Variants in ACTR1A observed in about 807,000 individuals in gnomAD.
ACTR1A encodes the protein alpha-centractin.
Under a neutral mutation model 50.7 loss-of-function variants are expected in ACTR1A, and 10 were observed. The observed-to-expected ratio is 0.20, with a 90% CI of 0.12 to 0.33. ACTR1A has a LOEUF of 0.33. Among genes scored for constraint, ACTR1A ranks in the 10% least tolerant of loss-of-function variants. The pLI is 1.00. For synonymous variants in ACTR1A, 177 were observed against 184.2 expected (o/e 0.96, Z 0.32); for missense variants, 253 against 491.7 (o/e 0.51, Z 4.59).
At chr10:102,501,855 T>G (rs184679388) in intron 1 of ACTR1A, among the ~76,000 whole-genome samples, 25 of 152,374 alleles carry the variant, frequency 1.6e-4, no homozygotes, top group Non-Finnish European at 1.5e-5. Flanking sequence ...CCGTAAGAAC[T>G]AGGCGTTCCA....
rs2062130880 is a variant in ACTR1A, at chr10:102,480,118, A to G, written c.*745T>C. On this transcript the variant is annotated 3_prime_UTR_variant, in exon 11 of 11. Coordinates refer to ENST00000369905, the MANE Select transcript of ACTR1A (RefSeq NM_005736.4). Reference sequence around the variant, plus strand: ...ACGGTTTGAAGATGGCATTGCAACAAGAACAGATGGAAAGCGAGGTCCTGG... The same window carrying G: ...ACGGTTTGAAGATGGCATTGCAACAGGAACAGATGGAAAGCGAGGTCCTGG... 6.3e-6 allele frequency: 1 copy of G among 159,560 alleles called. No individual in the cohort carries two copies. Among genetic ancestry groups the G allele is most frequent in the South Asian group, 1.7e-4 (1 of 5,776 alleles). The allele number at this position is 159,560 out of a possible 1,614,324, so 9.9% of individuals were successfully genotyped here. A position where few individuals can be genotyped will look rare whatever the true frequency, so the allele number is the denominator to read the frequency against.
chr10:102,492,899 G>C (rs540635908), intron 1 of ACTR1A, among the ~76,000 whole-genome samples: 27 of 151,238 alleles, frequency 1.8e-4, no homozygotes, highest in Admixed American at 4.6e-4. Flanking sequence ...TACTCAGGGA[G>C]GCTGAGGCAG....
chr10:102,482,088 C>A lies in ACTR1A; in HGVS notation c.838G>T (p.Val280Leu). ...ATGTCTGACTTCTGAATGGCGAACA[C>A]CAGGACCTCGTGGATGCCTTCACTC... ...EESEGIHEVL[V>L]FAIQKSDMDL... Residue 280 changes from valine to leucine, a missense_variant, in exon 8 of 11, where the codon GTG becomes TTG. Transcript: ENST00000369905. The surrounding 1 kb of genome is among the most constrained non-coding windows in gnomAD (Gnocchi z 5.6). The A allele has an allele frequency of 6.2e-7, 1 of 1,614,184 alleles. No individual in the cohort carries two copies.
At chr10:102,496,733 A>G (rs1422839097) in intron 1 of ACTR1A, among the ~76,000 whole-genome samples, 2 of 152,240 alleles carry the variant, frequency 1.3e-5, no homozygotes, top group South Asian at 4.1e-4. Context: ...GTGAATCAGC[A>G]TTAGTAGGAT....
At chr10:102,502,472 G>T in intron 1 of ACTR1A, 128 bp downstream of exon 1, 2 of 978,240 alleles carry the variant, frequency 2.0e-6, no homozygotes, top group African/African-American at 1.6e-5. Flanking sequence ...AGGAGGCGGC[G>T]GTGGCTGAAC....
At chr10:102,490,456 G>C (rs189476760) in intron 2 of ACTR1A, 93 bp downstream of exon 2, 1 of 983,504 alleles carries the variant, frequency 1.0e-6, no homozygotes, top group East Asian at 2.5e-5. Context: ...GTTTTCCTTT[G>C]TTGACTCCAA....
chr10:102,481,599 C>A (rs2062142659), intron 9 of ACTR1A, among the ~76,000 whole-genome samples: 2 of 152,144 alleles, frequency 1.3e-5, no homozygotes. Context: ...TACCTAGTAC[C>A]CTGCCTCATC....
chr10:102,490,419 C>A, intron 2 of ACTR1A, 130 bp downstream of exon 2: 1 of 572,320 alleles, frequency 1.7e-6, no homozygotes, highest in South Asian at 3.1e-5. Context: ...TTATCTGTGC[C>A]TCTCAAATTG....
rs1218030119 is a variant in ACTR1A, at chr10:102,481,917, G to C, written c.926-19C>G. ...CCAAAACCTGAATGGGCAAAGAGGA[G>C]AACTTCAAGTCAATTCTCAGGGTGC... On this transcript the variant is annotated intron_variant, in intron 8 of 10. Coordinates refer to ENST00000369905, the MANE Select transcript of ACTR1A (RefSeq NM_005736.4). 1 of 1,613,328 alleles carries C rather than the reference G, an allele frequency of 6.2e-7. No individual in the cohort carries two copies. The highest frequency in any genetic ancestry group is 8.5e-7 in the Non-Finnish European group (1 of 1,180,016).
intron 1 of ACTR1A, among the ~76,000 whole-genome samples, chr10:102,502,302 G>A (rs1196649603): frequency 2.0e-5 from 3 of 152,252 alleles, no homozygotes; most frequent in Admixed American, 6.5e-5. Flanking sequence ...ATGGGGGAGA[G>A]GGCGGGCGAC....
In ACTR1A at chr10:102,479,349, G is replaced by A. The variant is rs927437848; in HGVS notation, c.*1514C>T. ...GAGAAGGGAGGTGAGTTGGTTAAGC[G>A]CACTGCAGTCCGCGGGGCGCTACGT... On this transcript the variant is annotated 3_prime_UTR_variant, in exon 11 of 11. Transcript: ENST00000369905. This position sits in a 1 kb window ranked among gnomAD's most constrained non-coding sequence, Gnocchi z 4.0. 11 of 373,236 alleles carry A rather than the reference G, an allele frequency of 2.9e-5. No homozygotes were observed. Among genetic ancestry groups the A allele is most frequent in the Admixed American group, 1.4e-4 (4 of 27,986 alleles). The allele number at this position is 373,236 out of a possible 1,614,324, so 23.1% of individuals were successfully genotyped here. A position where few individuals can be genotyped will look rare whatever the true frequency, so the allele number is the denominator to read the frequency against.
intron 8 of ACTR1A, 50 bp from the exon 9 acceptor site, chr10:102,481,948 G>A (rs762662850): frequency 1.9e-5 from 30 of 1,613,594 alleles, no homozygotes; most frequent in Non-Finnish European, 2.4e-5. Flanking sequence ...GGTGCCTGGA[G>A]CCAGCAGGAG....
At chr10:102,502,332 T>C (rs1205840352) in intron 1 of ACTR1A, among the ~76,000 whole-genome samples, 1 of 152,258 alleles carries the variant, frequency 6.6e-6, no homozygotes, top group Non-Finnish European at 1.5e-5. Context: ...ACACAGCGGT[T>C]AAGGCCCCTA....
chr10:102,489,206 T>G, intron 2 of ACTR1A, 68 bp from the exon 3 acceptor site: 2 of 1,137,338 alleles, frequency 1.8e-6, no homozygotes, highest in Non-Finnish European at 2.4e-6. Context: ...GATGTATAGA[T>G]GTACATACAC....
Position 102,498,718 on chromosome 10 carries a change from C to T in ACTR1A, c.48+3882G>A, listed in dbSNP as rs144086038. Among the ~76,000 whole-genome samples the T allele has an allele frequency of 1.5e-3, 230 of 152,012 alleles. 2 individuals are homozygous for T. Among genetic ancestry groups the T allele is most frequent in the African/African-American group, 5.2e-3 (216 of 41,464 alleles). ...CAATTCCTGGGCTCAAACGATCTTC[C>T]AGCCTTGGCTTTCCAAAATGCTGGA... On this transcript the variant is annotated intron_variant, in intron 1 of 10. Coordinates refer to ENST00000369905, the MANE Select transcript of ACTR1A (RefSeq NM_005736.4).
chr10:102,482,924 A>G lies in ACTR1A; in HGVS notation c.750+87T>C, dbSNP rs2062150824. 1 of 1,129,180 alleles carries G rather than the reference A, an allele frequency of 8.9e-7. No individual in the cohort carries two copies. Among genetic ancestry groups the G allele is most frequent in the Non-Finnish European group, 1.3e-6 (1 of 746,146 alleles). 69.9% of individuals were successfully genotyped at this position (1,129,180 alleles called of 1,614,324 possible). A position where few individuals can be genotyped will look rare whatever the true frequency, so the allele number is the denominator to read the frequency against. ...CTTGGTGTAAAGGGACTGGCCTGCC[A>G]GACTCCAGACCCTGATGGAGAATTC... On this transcript the variant is annotated intron_variant, in intron 7 of 10. Coordinates refer to ENST00000369905, the MANE Select transcript of ACTR1A (RefSeq NM_005736.4). The surrounding 1 kb of genome is among the most constrained non-coding windows in gnomAD (Gnocchi z 5.6).
intron 2 of ACTR1A, 122 bp downstream of exon 2, chr10:102,490,427 T>C: frequency 1.6e-6 from 1 of 626,540 alleles, no homozygotes; most frequent in Non-Finnish European, 2.6e-6. Flanking sequence ...GCCTCTCAAA[T>C]TGTACCATGT....
At chr10:102,484,085 T>G in intron 6 of ACTR1A, 75 bp downstream of exon 6, 1 of 1,458,902 alleles carries the variant, frequency 6.9e-7, no homozygotes, top group South Asian at 1.2e-5. Flanking sequence ...CTGGCTTCAC[T>G]GGCAGGTCAC....
At chr10:102,491,796 C>T (rs1029577554) in intron 1 of ACTR1A, among the ~76,000 whole-genome samples, 5 of 152,130 alleles carry the variant, frequency 3.3e-5, no homozygotes, top group South Asian at 4.1e-4. Context: ...GATGGAGTCT[C>T]GCTCTGTCGC....
Sources: allele counts gnomAD v4.1 joint callset (sites outside exome capture counted in the v4.1 genomes callset), GRCh38; gene constraint gnomAD v4.1.1; non-coding constraint Gnocchi (gnomAD v3.1); transcripts MANE v1.5; gene names NCBI Gene and HGNC (gene_info 2026-07-23, HGNC 2026-07-21).